ARHGAP19: variants seen among roughly 807,000 people sequenced by gnomAD.
ARHGAP19 encodes Rho GTPase activating protein 19.
In ARHGAP19, 48 loss-of-function variants were observed where a neutral mutation model predicts 60.9. That is an observed-to-expected ratio of 0.79 (90% confidence interval 0.62 to 1.00). ARHGAP19 has a LOEUF of 1.00. Ranked by LOEUF, ARHGAP19 falls within the 50% of genes least tolerant of loss-of-function variation. The pLI is 0.00. For synonymous variants in ARHGAP19, 209 were observed against 215.5 expected (o/e 0.97, Z 0.27); for missense variants, 562 against 597.2 (o/e 0.94, Z 0.61).
At chr10:97,283,624 T>TG in intron 1 of ARHGAP19, among the ~76,000 whole-genome samples, 1 of 152,112 alleles carries the variant, frequency 6.6e-6, no homozygotes, top group East Asian at 1.9e-4. Flanking sequence ...ATGCACTTAT[T>TG]GGGAGGAAAC....
At chr10:97,271,470 T>C (rs2134901320) in intron 1 of ARHGAP19, among the ~76,000 whole-genome samples, 1 of 152,052 alleles carries the variant, frequency 6.6e-6, no homozygotes, top group Non-Finnish European at 1.5e-5. Context: ...GCCAAAAAAT[T>C]AATAAGGAAA....
intron 10 of ARHGAP19, 30 bp downstream of exon 10, chr10:97,229,734 A>C: frequency 1.4e-6 from 2 of 1,473,852 alleles, no homozygotes; most frequent in Non-Finnish European, 1.9e-6. Flanking sequence ...ATATACAGAC[A>C]GACAGACAGT....
chr10:97,244,353 C>G (rs542240879), intron 7 of ARHGAP19, among the ~76,000 whole-genome samples, 194 bp from the exon 8 acceptor site: 1 of 151,982 alleles, frequency 6.6e-6, no homozygotes, highest in South Asian at 2.1e-4. Context: ...TAGCCCACTC[C>G]CATGACCTGC....
At chr10:97,245,923 G>C (rs372200303) in intron 7 of ARHGAP19, among the ~76,000 whole-genome samples, 5 of 151,884 alleles carry the variant, frequency 3.3e-5, no homozygotes, top group African/African-American at 9.7e-5. Flanking sequence ...TAAAAATTGT[G>C]GGGGGGAGGC....
intron 6 of ARHGAP19, 134 bp downstream of exon 6, chr10:97,256,184 G>T: frequency 1.3e-6 from 1 of 743,858 alleles, no homozygotes; most frequent in Non-Finnish European, 2.4e-6. Flanking sequence ...CCTGGGTTTT[G>T]CCACTGTCCA....
At chr10:97,287,131 T>A (rs1843166527) in intron 1 of ARHGAP19, among the ~76,000 whole-genome samples, 1 of 152,016 alleles carries the variant, frequency 6.6e-6, no homozygotes, top group Non-Finnish European at 1.5e-5. Flanking sequence ...TTATTTTTTT[T>A]ATAGGATCTC....
At chr10:97,271,457 T>C (rs1444325068) in intron 1 of ARHGAP19, among the ~76,000 whole-genome samples, 3 of 151,996 alleles carry the variant, frequency 2.0e-5, no homozygotes, top group African/African-American at 7.2e-5. Context: ...AATTTACCAG[T>C]AAGCCAAAAA....
At chr10:97,285,209 A>T (rs1161757718) in intron 1 of ARHGAP19, among the ~76,000 whole-genome samples, 2 of 152,192 alleles carry the variant, frequency 1.3e-5, no homozygotes, top group Non-Finnish European at 2.9e-5. Flanking sequence ...TAGGTTGTAG[A>T]TGTTCCATAT....
chr10:97,263,746 G>T, intron 3 of ARHGAP19, 117 bp from the exon 4 acceptor site: 1 of 1,075,150 alleles, frequency 9.3e-7, no homozygotes, highest in Non-Finnish European at 1.3e-6. Flanking sequence ...AGCCTTTCAA[G>T]TAAGTTTTTG....
chr10:97,268,009 C>T (rs569761695), intron 1 of ARHGAP19, among the ~76,000 whole-genome samples: 4 of 152,348 alleles, frequency 2.6e-5, no homozygotes, highest in Admixed American at 2.6e-4. Flanking sequence ...GCTTGAATTT[C>T]TCTGCAGAAA....
At chr10:97,226,733 T>C (rs1279351911) in intron 11 of ARHGAP19, among the ~76,000 whole-genome samples, 5 of 152,238 alleles carry the variant, frequency 3.3e-5, no homozygotes, top group Admixed American at 2.6e-4. Flanking sequence ...GTAAATACAG[T>C]AAATCATACT....
chr10:97,288,801 C>A (rs1843189505), intron 1 of ARHGAP19, among the ~76,000 whole-genome samples: 1 of 148,488 alleles, frequency 6.7e-6, no homozygotes, highest in African/African-American at 2.5e-5. Flanking sequence ...AAACCCCAAA[C>A]TTCTCTCCTT....
chr10:97,263,297 C>A (rs1057123637), intron 4 of ARHGAP19, 123 bp downstream of exon 4: 5 of 996,732 alleles, frequency 5.0e-6, no homozygotes, highest in Middle Eastern at 2.3e-4. Context: ...CCAGCAACAT[C>A]ACGAAATCTT....
chr10:97,247,473 C>T lies in ARHGAP19; in HGVS notation c.928-1136G>A, dbSNP rs115105902. Among the ~76,000 whole-genome samples, 955 of 152,258 alleles carry T rather than the reference C, an allele frequency of 6.3e-3. 9 individuals carry two copies. Among genetic ancestry groups the T allele is most frequent in the African/African-American group, 0.022 (913 of 41,540 alleles). ...TTACATTTGCACTTACCCTTTTACCCAGAAACCTCACTACTGGTAACATAT... is the reference window on the plus strand; with the variant it reads ...TTACATTTGCACTTACCCTTTTACCTAGAAACCTCACTACTGGTAACATAT... On this transcript the variant is annotated intron_variant, in intron 6 of 11. Coordinates refer to ENST00000358531, the MANE Select transcript of ARHGAP19 (RefSeq NM_032900.6).
At chr10:97,279,462 T>C (rs916927939) in intron 1 of ARHGAP19, among the ~76,000 whole-genome samples, 2 of 144,494 alleles carry the variant, frequency 1.4e-5, no homozygotes, top group Non-Finnish European at 3.0e-5. Context: ...AACAAATTTC[T>C]TTCTTGCTTG....
At chr10:97,239,406 G>A (rs907561380) in intron 8 of ARHGAP19, among the ~76,000 whole-genome samples, 2 of 152,082 alleles carry the variant, frequency 1.3e-5, no homozygotes, top group African/African-American at 4.8e-5. Flanking sequence ...TGAGGCAGGG[G>A]AATTGCTTGA....
intron 4 of ARHGAP19, among the ~76,000 whole-genome samples, chr10:97,260,699 A>G (rs1842818923): frequency 6.6e-6 from 1 of 152,180 alleles, no homozygotes; most frequent in African/African-American, 2.4e-5. Flanking sequence ...GGCATATAAA[A>G]TGATATAACC....
intron 1 of ARHGAP19, among the ~76,000 whole-genome samples, chr10:97,289,401 A>G (rs1165129173): frequency 6.6e-6 from 1 of 152,166 alleles, no homozygotes; most frequent in Non-Finnish European, 1.5e-5. Flanking sequence ...GGTGTGAGCC[A>G]TCGCACCTGG....
intron 9 of ARHGAP19, among the ~76,000 whole-genome samples, chr10:97,232,399 G>A (rs1024015666): frequency 6.6e-6 from 1 of 151,942 alleles, no homozygotes; most frequent in African/African-American, 2.4e-5. Flanking sequence ...TCCTGACCTC[G>A]TGATCCGCCC....
Sources: gnomAD v4.1 joint callset for allele counts (sites outside exome capture counted in the v4.1 genomes callset) on GRCh38, gnomAD v4.1.1 for gene constraint, MANE v1.5 for transcripts, NCBI Gene and HGNC (gene_info 2026-07-23, HGNC 2026-07-21) for gene names.